ASAP3: variants seen among roughly 807,000 people sequenced by gnomAD.
ASAP3 encodes ArfGAP with SH3 domain, ankyrin repeat and PH domain 3, also known as arf-GAP with SH3 domain, ANK repeat and PH domain-containing protein 3.
Under a neutral mutation model 118.2 loss-of-function variants are expected in ASAP3, and 85 were observed. The observed-to-expected ratio is 0.72, with a 90% confidence interval of 0.60 to 0.86. The LOEUF (loss-of-function observed/expected upper bound fraction) is 0.86, where lower values mean the gene tolerates loss of function less well. Ranked by LOEUF, ASAP3 falls within the 40% of genes least tolerant of loss-of-function variation. The pLI, the probability that ASAP3 is intolerant of heterozygous loss-of-function variation, is 0.00. For missense variants in ASAP3, 1,026 were observed against 1,175.0 expected (o/e 0.87, Z 1.85); for synonymous variants, 432 against 477.4 (o/e 0.90, Z 1.24).
chr1:23,459,228 C>T (rs951119635), intron 1 of ASAP3, among the ~76,000 whole-genome samples: 2 of 151,388 alleles, frequency 1.3e-5, no homozygotes, highest in Non-Finnish European at 2.9e-5. Flanking sequence ...TCCAAAATCC[C>T]TAGAGGGCAG....
chr1:23,468,610 C>A lies in ASAP3; in HGVS notation c.130-12416G>T, dbSNP rs538885763. ...ACGTTTGGCAGGGTGCGGTGGCTCACGCCTGTAATCCCAGCACTTTGGGAG... is the reference window on the plus strand; with the variant it reads ...ACGTTTGGCAGGGTGCGGTGGCTCAAGCCTGTAATCCCAGCACTTTGGGAG... On this transcript the variant is annotated intron_variant, in intron 1 of 24. Coordinates refer to ENST00000336689, the MANE Select transcript of ASAP3 (RefSeq NM_017707.4). 5.3e-5 allele frequency among the ~76,000 whole-genome samples: 8 copies of A among 152,144 alleles called. No homozygotes were observed. In the South Asian group the frequency reaches 1.7e-3, roughly 32 times the overall value.
At chr1:23,466,858 C>G (rs1397205043) in intron 1 of ASAP3, among the ~76,000 whole-genome samples, 1 of 152,164 alleles carries the variant, frequency 6.6e-6, no homozygotes, top group African/African-American at 2.4e-5. Flanking sequence ...ATGACCATTA[C>G]AGCCATTATT....
At chr1:23,469,658 C>T (rs1315074654) in intron 1 of ASAP3, among the ~76,000 whole-genome samples, 1 of 152,196 alleles carries the variant, frequency 6.6e-6, no homozygotes, top group Admixed American at 6.5e-5. Context: ...ATTCAACTAC[C>T]TATCGCCCCA....
chr1:23,474,494 C>T (rs1244943850), intron 1 of ASAP3, among the ~76,000 whole-genome samples: 1 of 152,160 alleles, frequency 6.6e-6, no homozygotes, highest in Non-Finnish European at 1.5e-5. Context: ...ATCCCAATCT[C>T]TTGATACCGA....
chr1:23,481,530 A>G (rs922483715), intron 1 of ASAP3, among the ~76,000 whole-genome samples: 1 of 152,228 alleles, frequency 6.6e-6, no homozygotes, highest in African/African-American at 2.4e-5. Flanking sequence ...TTGGGCCCTG[A>G]GATGCTGAAG....
At chr1:23,472,014 T>C (rs998357842) in intron 1 of ASAP3, among the ~76,000 whole-genome samples, 8 of 152,292 alleles carry the variant, frequency 5.3e-5, no homozygotes, top group Admixed American at 3.9e-4. Context: ...TATAGTAGGA[T>C]TTCATTCACA....
chr1:23,439,126 C>T (rs932720310), intron 11 of ASAP3, 35 bp downstream of exon 11: 8 of 1,607,270 alleles, frequency 5.0e-6, no homozygotes, highest in Middle Eastern at 1.6e-4. Context: ...GAGGGTCCAT[C>T]GTGCCCTGAG....
chr1:23,466,323 C>T (rs1290991604), intron 1 of ASAP3, among the ~76,000 whole-genome samples: 2 of 152,182 alleles, frequency 1.3e-5, no homozygotes, highest in Non-Finnish European at 2.9e-5. Context: ...AGATTTCATT[C>T]AAAGCTAAGA....
At position 23,475,447 on chromosome 1, in the gene ASAP3, C is replaced by T. The variant is rs148901635; in HGVS notation, c.129+8558G>A. The stretch of plus-strand genomic sequence containing the variant: ...CAGCCCTTTTCTGCTTAAATCAGCT[C>T]AGGATGGTTTCTCTTGCTTGCCATA... On this transcript the variant is annotated intron_variant, in intron 1 of 24. Coordinates refer to ENST00000336689, the MANE Select transcript of ASAP3 (RefSeq NM_017707.4). 3.7e-4 allele frequency among the ~76,000 whole-genome samples: 56 copies of T among 152,258 alleles called. 1 individual carries two copies. Among genetic ancestry groups the T allele is most frequent in the African/African-American group, 1.3e-3 (53 of 41,542 alleles).
intron 1 of ASAP3, among the ~76,000 whole-genome samples, chr1:23,471,407 G>A (rs547551670): frequency 1.3e-5 from 2 of 152,178 alleles, no homozygotes; most frequent in East Asian, 3.9e-4. Flanking sequence ...TGATCTCTAC[G>A]GGGCTGAAAA....
In ASAP3 at chr1:23,479,307, G is replaced by A. The variant is rs151248404; in HGVS notation, c.129+4698C>T. On this transcript the variant is annotated intron_variant, in intron 1 of 24. Coordinates refer to ENST00000336689, the MANE Select transcript of ASAP3 (RefSeq NM_017707.4). ...AGAGGCAGGAGAGAACAAGAATGAC[G>A]AAGCAGCTGCCTTAGTTCCTGACAA... Among the ~76,000 whole-genome samples the A allele has an allele frequency of 6.6e-5, 10 of 152,262 alleles. No individual in the cohort carries two copies. In the South Asian group the frequency reaches 1.7e-3, roughly 25 times the overall value.
upstream of ASAP3, chr1:23,484,229 C>G (rs909037772): frequency 2.5e-5 from 29 of 1,158,140 alleles, no homozygotes; most frequent in Non-Finnish European, 2.9e-5. Context: ...GGCGCCGTCC[C>G]GGCCTCCACA....
chr1:23,436,623 T>A lies in ASAP3; in HGVS notation c.1508A>T (p.Asn503Ile). 2 of 1,614,216 alleles carry A rather than the reference T, an allele frequency of 1.2e-6. No homozygotes were observed. The highest frequency in any genetic ancestry group is 1.7e-6 in the Non-Finnish European group (2 of 1,180,026). Reference protein sequence around the residue: ...LALNMGNTSFNEVMEAQLPSH... With the variant: ...LALNMGNTSFIEVMEAQLPSH... ...GGGTAGCTGGGCCTCCATGACCTCA[T>A]TGAAGCTCGTGTTTCCCATGTTCAA... Residue 503 changes from asparagine (N) to isoleucine (I), a missense_variant, in exon 16 of 25, where the codon AAT becomes ATT. Physicochemically the swap from Asn to Ile is moderately radical, Grantham distance 149. Transcript: ENST00000336689. This position sits in a 1 kb window ranked among gnomAD's most constrained non-coding sequence, Gnocchi z 4.2.
chr1:23,466,886 G>A (rs1641786394), intron 1 of ASAP3, among the ~76,000 whole-genome samples: 1 of 151,128 alleles, frequency 6.6e-6, no homozygotes, highest in Non-Finnish European at 1.5e-5. Flanking sequence ...TTATTATTTT[G>A]AGATGAAATC....
intron 1 of ASAP3, among the ~76,000 whole-genome samples, chr1:23,462,468 C>T (rs1641625257): frequency 6.6e-6 from 1 of 152,012 alleles, no homozygotes; most frequent in African/African-American, 2.4e-5. Context: ...CCACTACACC[C>T]TGTGTAAAAA....
At position 23,437,233 on chromosome 1, in the gene ASAP3, C is replaced by A. The variant is rs1640705103; in HGVS notation, c.1239G>T (p.Gly413=). Residue 413 remains glycine, a synonymous_variant, in exon 14 of 25, where the codon GGG becomes GGT. Transcript: ENST00000336689. The surrounding 1 kb of genome is among the most constrained non-coding windows in gnomAD (Gnocchi z 6.1). ...GEPSAGPGSW[G]SAGHDGEPHD... ...GCGGCTCCCCATCATGGCCGGCGGA[C>A]CCCCAGGACCCCGGGCCAGCGCTGG... 6 of 1,591,548 alleles carry A rather than the reference C, an allele frequency of 3.8e-6. No homozygotes were observed. The highest frequency in any genetic ancestry group is 3.4e-6 in the Non-Finnish European group (4 of 1,169,354).
intron 24 of ASAP3, among the ~76,000 whole-genome samples, chr1:23,430,238 G>A (rs1218359949): frequency 1.3e-5 from 2 of 152,166 alleles, no homozygotes; most frequent in Non-Finnish European, 2.9e-5. Context: ...GACTAACTCT[G>A]GTGGACTAAA....
At chr1:23,456,644 A>G (rs975881866) in intron 1 of ASAP3, among the ~76,000 whole-genome samples, 7 of 152,220 alleles carry the variant, frequency 4.6e-5, no homozygotes, top group African/African-American at 1.7e-4. Context: ...GTAAATATGT[A>G]CAAAATGCTG....
rs1640447252 is a variant in ASAP3, at chr1:23,431,860, G to T, written c.2382C>A (p.Gly794=). 1.2e-6 allele frequency: 2 copies of T among 1,600,844 alleles called. No homozygotes were observed. Among genetic ancestry groups the T allele is most frequent in the Non-Finnish European group, 1.7e-6 (2 of 1,176,116 alleles). Residue 794 remains glycine (G), a synonymous_variant, in exon 23 of 25, where the codon GGC becomes GGA. Transcript: ENST00000336689. ...SEAPETPESL[G]SPASSSSLMS... ...TCAGACTGGAGGAGGAGGCTGGACT[G>T]CCCAGGCTCTCAGGGGTCTCAGGGG...
Sources: gnomAD v4.1 joint callset for allele counts (sites outside exome capture counted in the v4.1 genomes callset) on GRCh38, gnomAD v4.1.1 for gene constraint, Gnocchi (gnomAD v3.1) non-coding constraint, MANE v1.5 for transcripts, NCBI Gene and HGNC (gene_info 2026-07-23, HGNC 2026-07-21) for gene names.